The following LIPA variants were observed in gnomAD, a reference collection of about 807,000 sequenced individuals.
The protein encoded by LIPA is lysosomal acid lipase/cholesteryl ester hydrolase.
LIPA carries 26 observed loss-of-function variants against 40.6 expected under a neutral mutation model. The observed-to-expected ratio is 0.64, with a 90% CI of 0.47 to 0.89. The LOEUF (loss-of-function observed/expected upper bound fraction) is 0.89, where lower values mean the gene tolerates loss of function less well. Among genes scored for constraint, LIPA ranks in the 40% least tolerant of loss-of-function variants. The pLI is 0.00. For synonymous variants in LIPA, 188 were observed against 168.4 expected, an observed-to-expected ratio of 1.12 and a Z score of -0.90; for missense variants, 455 against 479.6, an observed-to-expected ratio of 0.95 and a Z score of 0.48.
chr10:89,273,966 T>C (rs1843277921), intron 1 of LIPA, among the ~76,000 whole-genome samples: 1 of 152,264 alleles, frequency 6.6e-6, no homozygotes, highest in Non-Finnish European at 1.5e-5. Context: ...GAGTAGTTGA[T>C]ACATAGACCA....
intron 1 of LIPA, among the ~76,000 whole-genome samples, chr10:89,311,889 G>T (rs956827793): frequency 6.6e-6 from 1 of 152,204 alleles, no homozygotes; most frequent in Non-Finnish European, 1.5e-5. Flanking sequence ...AGGCACTGGC[G>T]TATAGATCAC....
chr10:89,282,741 A>G (rs989993762), intron 1 of LIPA, among the ~76,000 whole-genome samples: 10 of 152,264 alleles, frequency 6.6e-5, no homozygotes, highest in African/African-American at 2.4e-4. Flanking sequence ...CCTATGAAAT[A>G]GGTGCTACCA....
At chr10:89,289,976 C>A (rs988224079) in intron 1 of LIPA, among the ~76,000 whole-genome samples, 1 of 139,158 alleles carries the variant, frequency 7.2e-6, no homozygotes, top group African/African-American at 2.8e-5. Context: ...GAGGCCTTGA[C>A]TTACTCACTG....
At chr10:89,247,708 G>T in intron 1 of LIPA, 59 bp from the exon 2 acceptor site, 1 of 1,256,174 alleles carries the variant, frequency 8.0e-7, no homozygotes, top group Non-Finnish European at 1.2e-6. Flanking sequence ...AAAATATTCT[G>T]GTAACTTAAT....
rs572321156 is a variant in LIPA at position 89,257,886 on chromosome 10, G to A, written c.-1-10237C>T. On this transcript the variant is annotated intron_variant, in intron 1 of 5. Coordinates refer to the LIPA transcript ENST00000282673. ...AGTCTTTAACTAACAGTTTGCATGTGAAGAAACTATGCTAGACCATAGTTT... is the reference window on the plus strand; with the variant it reads ...AGTCTTTAACTAACAGTTTGCATGTAAAGAAACTATGCTAGACCATAGTTT... Among the ~76,000 whole-genome samples, 3 of 152,328 alleles carry A rather than the reference G, an allele frequency of 2.0e-5. No individual in the cohort carries two copies. In the South Asian group the frequency reaches 6.2e-4, roughly 32 times the overall value.
In LIPA at chr10:89,395,671, C is replaced by T. The variant is rs147459607; in HGVS notation, c.61+17120G>A. ...AGGGGACACCTAGACATAGATCAGA[C>T]GCTTAGGCATTAGGCTGTTCATCAA... On this transcript the variant is annotated intron_variant, in intron 2 of 8. Transcript: ENST00000371837. 3.7e-4 allele frequency among the ~76,000 whole-genome samples: 56 copies of T among 152,216 alleles called. 1 individual carries two copies. Among genetic ancestry groups the T allele is most frequent in the African/African-American group, 1.1e-3 (44 of 41,538 alleles).
chr10:89,368,778 G>A (rs186859641), intron 2 of LIPA, among the ~76,000 whole-genome samples: 73 of 152,096 alleles, frequency 4.8e-4, no homozygotes, highest in African/African-American at 1.7e-3. Context: ...TTATAACTCA[G>A]GTTCAAGTTA....
chr10:89,370,933 G>C (rs183849449), intron 2 of LIPA, among the ~76,000 whole-genome samples: 3 of 152,308 alleles, frequency 2.0e-5, no homozygotes, highest in Non-Finnish European at 4.4e-5. Flanking sequence ...CAGAAGAATT[G>C]CTTGAACCCA....
At chr10:89,307,285 T>G in intron 1 of LIPA, 1 of 1,613,874 alleles carries the variant, frequency 6.2e-7, no homozygotes. Flanking sequence ...AGGAGCTGAA[T>G]GAAAAAATGC....
At chr10:89,224,256 A>G (rs758393635) in intron 6 of LIPA, among the ~76,000 whole-genome samples, 3 of 152,242 alleles carry the variant, frequency 2.0e-5, no homozygotes, top group Non-Finnish European at 2.9e-5. Context: ...ACTGGCCAGC[A>G]GGCCAAATCC....
intron 2 of LIPA, among the ~76,000 whole-genome samples, chr10:89,375,029 T>G (rs7913002): frequency 0.055 from 8,366 of 152,302 alleles, 441 homozygotes; most frequent in African/African-American, 0.13. Context: ...AATTGTAGTC[T>G]GGAAGGGCTC....
chr10:89,243,551 C>A (rs1171361462), intron 3 of LIPA, among the ~76,000 whole-genome samples: 1 of 151,100 alleles, frequency 6.6e-6, no homozygotes, highest in Non-Finnish European at 1.5e-5. Context: ...ACCCTCTTGC[C>A]AAAAATAAAA....
At chr10:89,328,115 T>C (rs559655284) in intron 1 of LIPA, 1 of 1,607,714 alleles carries the variant, frequency 6.2e-7, no homozygotes, top group Non-Finnish European at 8.5e-7. Flanking sequence ...TGCTTGTTTT[T>C]GAGTGCAAAT....
At chr10:89,355,719 A>G (rs1843985029) in intron 2 of LIPA, among the ~76,000 whole-genome samples, 1 of 152,204 alleles carries the variant, frequency 6.6e-6, no homozygotes, top group South Asian at 2.1e-4. Flanking sequence ...GCCAAAACCA[A>G]GATGGTGATG....
intron 1 of LIPA, among the ~76,000 whole-genome samples, chr10:89,334,429 A>C (rs7916398): frequency 0.063 from 9,135 of 146,104 alleles, 679 homozygotes; most frequent in African/African-American, 0.18. Flanking sequence ...CTACTCCCCA[A>C]GTTTCACCTG....
Position 89,403,126 on chromosome 10 carries a change from C to A in LIPA, c.61+9665G>T, listed in dbSNP as rs961784940. 3.1e-6 allele frequency: 5 copies of A among 1,614,016 alleles called. No homozygotes were observed. The African/African-American group carries it at 6.7e-5, about 22-fold the overall frequency. On this transcript the variant is annotated intron_variant, in intron 2 of 8. Transcript: ENST00000371837. The stretch of plus-strand genomic sequence containing the variant: ...AAGGCCTTGCAGGAAACACCCACTT[C>A]TGTCTTACTGCATCACCAGATAGGG...
intron 3 of LIPA, among the ~76,000 whole-genome samples, chr10:89,239,160 AGCAGGACATCTAGCAGAT>A (rs917043112): frequency 3.9e-5 from 6 of 152,312 alleles, no homozygotes; most frequent in South Asian, 4.1e-4. Flanking sequence ...AGTAGGCACA[AGCAGGACATCTAGCAGAT>A]GCAGGACATC....
chr10:89,359,978 G>A (rs552642065), intron 2 of LIPA, among the ~76,000 whole-genome samples: 1 of 151,938 alleles, frequency 6.6e-6, no homozygotes, highest in Non-Finnish European at 1.5e-5. Context: ...TCTATAACTA[G>A]GAATGATTAT....
At chr10:89,348,969 T>C (rs562216169) in intron 2 of LIPA, among the ~76,000 whole-genome samples, 2 of 152,130 alleles carry the variant, frequency 1.3e-5, no homozygotes, top group Non-Finnish European at 1.5e-5. Context: ...TTTTCTGGGG[T>C]CAATTGCATT....
Sources: gnomAD v4.1 joint callset for allele counts (sites outside exome capture counted in the v4.1 genomes callset) on GRCh38, gnomAD v4.1.1 for gene constraint, MANE v1.5 for transcripts, NCBI Gene and HGNC (gene_info 2026-07-23, HGNC 2026-07-21) for gene names.